Variants in ARK2C observed in about 807,000 individuals in gnomAD.
ARK2C encodes E3 ubiquitin-protein ligase ARK2C.
chr18:46,417,376 C>T, the ARK2C span, among the ~76,000 whole-genome samples: 448 of 152,350 alleles, frequency 2.9e-3, 4 homozygotes, highest in Middle Eastern at 0.051. Context: ...CCCCAGCCCC[C>T]AAGATCAGTA....
chr18:46,379,237 T>C, the ARK2C span, among the ~76,000 whole-genome samples: 1 of 152,222 alleles, frequency 6.6e-6, no homozygotes, highest in African/African-American at 2.4e-5. Flanking sequence ...CTTTAATCTC[T>C]TTTGGGGTGC....
At chr18:46,349,560 T>A in the ARK2C span, among the ~76,000 whole-genome samples, 1 of 152,224 alleles carries the variant, frequency 6.6e-6, no homozygotes, top group Non-Finnish European at 1.5e-5. Context: ...AGGTCAGCGG[T>A]GAGCTGGCCT....
At chr18:46,432,250 A>G in the ARK2C span, among the ~76,000 whole-genome samples, 1 of 152,366 alleles carries the variant, frequency 6.6e-6, no homozygotes, top group African/African-American at 2.4e-5. Context: ...TTTTATTTAG[A>G]AAAGGACTAG....
chr18:46,439,515 T>C, the ARK2C span, among the ~76,000 whole-genome samples: 2 of 152,210 alleles, frequency 1.3e-5, no homozygotes, highest in Admixed American at 1.3e-4. Context: ...AGGGAAGCTG[T>C]GTCCTAATTA....
At chr18:46,456,121 A>T in the ARK2C span, 6 of 1,244,082 alleles carry the variant, frequency 4.8e-6, no homozygotes. Context: ...CCTCTCTTAT[A>T]GGTATTGGTG....
chr18:46,372,867 T>A, the ARK2C span, among the ~76,000 whole-genome samples: 3 of 152,214 alleles, frequency 2.0e-5, no homozygotes, highest in Non-Finnish European at 4.4e-5. Flanking sequence ...CCAGGAAGCC[T>A]CCCGCGGCAC....
the ARK2C span, among the ~76,000 whole-genome samples, chr18:46,353,466 T>C: frequency 2.6e-5 from 4 of 152,152 alleles, no homozygotes; most frequent in Non-Finnish European, 5.9e-5. Context: ...AGTGAAAATC[T>C]GTGTAGCTTT....
chr18:46,426,731 A>G, the ARK2C span, among the ~76,000 whole-genome samples: 4 of 151,992 alleles, frequency 2.6e-5, no homozygotes, highest in Non-Finnish European at 4.4e-5. Flanking sequence ...TTTCTGGGAG[A>G]CCCTTCTTTC....
At chr18:46,431,587 G>C in the ARK2C span, among the ~76,000 whole-genome samples, 1 of 152,316 alleles carries the variant, frequency 6.6e-6, no homozygotes, top group Admixed American at 6.5e-5. Context: ...TAGTAGAAGA[G>C]GAGAGGGATT....
At chr18:46,428,159 C>A in the ARK2C span, among the ~76,000 whole-genome samples, 3 of 152,192 alleles carry the variant, frequency 2.0e-5, no homozygotes, top group African/African-American at 7.2e-5. Context: ...GTCTGTAATC[C>A]CAGCACGTTG....
the ARK2C span, among the ~76,000 whole-genome samples, chr18:46,445,574 T>G: frequency 6.6e-6 from 1 of 152,206 alleles, no homozygotes; most frequent in South Asian, 2.1e-4. Flanking sequence ...CTCCAAATCA[T>G]GGTACCACAA....
the ARK2C span, among the ~76,000 whole-genome samples, chr18:46,352,228 C>T: frequency 6.6e-6 from 1 of 152,168 alleles, no homozygotes; most frequent in Non-Finnish European, 1.5e-5. Context: ...TGAACTCCAG[C>T]TGGTCAAAGC....
At chr18:46,371,044 T>C in the ARK2C span, among the ~76,000 whole-genome samples, 1 of 152,008 alleles carries the variant, frequency 6.6e-6, no homozygotes, top group Admixed American at 6.5e-5. Context: ...TCACAATCAT[T>C]ACAGAAAGCA....
At chr18:46,342,748 G>A in the ARK2C span, among the ~76,000 whole-genome samples, 1 of 152,132 alleles carries the variant, frequency 6.6e-6, no homozygotes, top group African/African-American at 2.4e-5. Context: ...TTAACAAATT[G>A]TATCTATGTT....
At chr18:46,362,020 G>A in the ARK2C span, among the ~76,000 whole-genome samples, 1,942 of 152,360 alleles carry the variant, frequency 0.013, 23 homozygotes, top group Non-Finnish European at 0.021. Context: ...TTTACAGATG[G>A]CAAGCAAAAT....
the ARK2C span, chr18:46,334,241 A>C: frequency 7.1e-7 from 1 of 1,414,564 alleles, no homozygotes; most frequent in South Asian, 1.4e-5. The surrounding 1 kb of genome is among the most constrained non-coding windows in gnomAD (Gnocchi z 4.4). Context: ...GCCCGCGCGC[A>C]GCCGCCGCCG....
At chr18:46,388,896 GA>G in the ARK2C span, among the ~76,000 whole-genome samples, 10 of 150,600 alleles carry the variant, frequency 6.6e-5, no homozygotes, top group South Asian at 8.4e-4. Context: ...CAGAGATAAA[GA>G]AAAAAAAAGA....
the ARK2C span, among the ~76,000 whole-genome samples, chr18:46,432,892 C>T: frequency 2.6e-5 from 4 of 152,172 alleles, no homozygotes; most frequent in African/African-American, 2.4e-5. Flanking sequence ...TTGCAGTGAG[C>T]CGAGATCGCG....
chr18:46,350,814 T>C, the ARK2C span, among the ~76,000 whole-genome samples: 1 of 152,246 alleles, frequency 6.6e-6, no homozygotes, highest in Admixed American at 6.5e-5. Flanking sequence ...CTCAGTCTTA[T>C]TTACGGCCAA....
Sources: gnomAD v4.1 joint callset for allele counts (sites outside exome capture counted in the v4.1 genomes callset) on GRCh38, gnomAD v4.1.1 for gene constraint, Gnocchi (gnomAD v3.1) non-coding constraint, MANE v1.5 for transcripts, NCBI Gene and HGNC (gene_info 2026-07-23, HGNC 2026-07-21) for gene names.